Variants in ANKRD17 observed in about 807,000 individuals in gnomAD.
ANKRD17 encodes ankyrin repeat domain-containing protein 17.
Under a neutral mutation model 229.7 loss-of-function variants are expected in ANKRD17, and 19 were observed. The ratio of observed to expected loss-of-function variants is 0.08; its 90% confidence interval spans 0.06 to 0.12. The LOEUF is 0.12. Among genes scored for constraint, ANKRD17 ranks in the 10% least tolerant of loss-of-function variants. The pLI, the probability that ANKRD17 is intolerant of heterozygous loss-of-function variation, is 1.00. For synonymous variants in ANKRD17, 1,112 were observed against 1,146.1 expected (o/e 0.97, Z 0.60); for missense variants, 2,176 against 3,176.8 (o/e 0.68, Z 7.57).
chr4:73,220,752 C>G (rs1280971711), intron 1 of ANKRD17, among the ~76,000 whole-genome samples: 1 of 151,954 alleles, frequency 6.6e-6, no homozygotes, highest in Non-Finnish European at 1.5e-5. Context: ...ACATAAAATT[C>G]CGTATGTTCA....
At chr4:73,134,566 A>G (rs1037809054) in intron 16 of ANKRD17, among the ~76,000 whole-genome samples, 5 of 152,196 alleles carry the variant, frequency 3.3e-5, no homozygotes, top group Non-Finnish European at 7.3e-5. Flanking sequence ...TCTAAAGCTT[A>G]ACTTAAACAG....
At chr4:73,116,226 T>G (rs1725935953) in intron 22 of ANKRD17, among the ~76,000 whole-genome samples, 1 of 146,906 alleles carries the variant, frequency 6.8e-6, no homozygotes, top group African/African-American at 2.5e-5. Flanking sequence ...TGGTGGGGGG[T>G]GGGGATTCTT....
At chr4:73,179,474 G>GTA (rs1735176661) in intron 1 of ANKRD17, among the ~76,000 whole-genome samples, 1 of 57,912 alleles carries the variant, frequency 1.7e-5, no homozygotes, top group East Asian at 7.0e-4. Context: ...ATATGTGTGT[G>GTA]TGTGTGTGTG....
Position 73,249,649 on chromosome 4 carries a change from T to A in ANKRD17, c.393+8627A>T, listed in dbSNP as rs374679634. 2.3e-4 allele frequency among the ~76,000 whole-genome samples: 35 copies of A among 152,104 alleles called. No homozygotes were observed. The East Asian group carries it at 6.0e-3, about 26-fold the overall frequency. ...AGGGGGGCGGATCCAAGGTCAGGAG[T>A]TCGAGACCAGCCTGACTAACATGGT... On this transcript the variant is annotated intron_variant, in intron 1 of 33. Coordinates refer to ENST00000358602, the MANE Select transcript of ANKRD17 (RefSeq NM_032217.5).
chr4:73,079,019 C>A, intron 30 of ANKRD17, 129 bp from the exon 31 acceptor site: 1 of 1,152,276 alleles, frequency 8.7e-7, no homozygotes, highest in South Asian at 1.7e-5. Flanking sequence ...AAAAATAATA[C>A]TTAAAAATGA....
chr4:73,240,677 C>T (rs552603001), intron 1 of ANKRD17, among the ~76,000 whole-genome samples: 1 of 151,932 alleles, frequency 6.6e-6, no homozygotes, highest in Non-Finnish European at 1.5e-5. Context: ...AAGTGGAAAA[C>T]ATCTAAAATT....
rs146669301 is a variant in ANKRD17, at chr4:73,205,538, C to CA, written c.394-28006dup. Among the ~76,000 whole-genome samples, 581 of 152,178 alleles carry CA rather than the reference C, an allele frequency of 3.8e-3. 4 individuals are homozygous for CA. The highest frequency in any genetic ancestry group is 0.013 in the African/African-American group (552 of 41,530). On this transcript the variant is annotated intron_variant, in intron 1 of 33. Coordinates refer to ENST00000358602, the MANE Select transcript of ANKRD17 (RefSeq NM_032217.5). ...TAGTGCTGGGAGAACTAGATACTGA[C>CA]ATGCAAAAAAATGCAATTACATCCT...
chr4:73,211,545 C>T (rs1740258238), intron 1 of ANKRD17, among the ~76,000 whole-genome samples: 1 of 151,994 alleles, frequency 6.6e-6, no homozygotes, highest in Non-Finnish European at 1.5e-5. Context: ...GGAGCCACTA[C>T]CTTAAGAAAT....
intron 1 of ANKRD17, among the ~76,000 whole-genome samples, chr4:73,182,981 A>G (rs1340498998): frequency 6.6e-6 from 1 of 152,192 alleles, no homozygotes; most frequent in Non-Finnish European, 1.5e-5. Flanking sequence ...ATTAAAAACA[A>G]CAACAACAAA....
chr4:73,222,113 T>A (rs984448545), intron 1 of ANKRD17, among the ~76,000 whole-genome samples: 4 of 152,118 alleles, frequency 2.6e-5, no homozygotes, highest in African/African-American at 9.7e-5. Flanking sequence ...AGCCTCTTTA[T>A]CTGAATTACC....
chr4:73,211,425 C>A (rs1740238444), intron 1 of ANKRD17, among the ~76,000 whole-genome samples: 1 of 152,038 alleles, frequency 6.6e-6, no homozygotes, highest in African/African-American at 2.4e-5. Flanking sequence ...CCAAACTGAG[C>A]TTTAGTTTGA....
At chr4:73,087,443 T>C (rs531452547) in intron 29 of ANKRD17, among the ~76,000 whole-genome samples, 2 of 152,292 alleles carry the variant, frequency 1.3e-5, no homozygotes, top group Admixed American at 1.3e-4. Context: ...TGATGCTCCT[T>C]CCTGAAATAT....
Position 73,091,546 on chromosome 4 carries a change from T to C in ANKRD17, c.6082A>G (p.Thr2028Ala). The C allele has an allele frequency of 1.2e-6, 2 of 1,614,198 alleles. No individual in the cohort carries two copies. Among genetic ancestry groups the C allele is most frequent in the Non-Finnish European group, 1.7e-6 (2 of 1,180,038 alleles). Reference sequence around the variant, plus strand: ...TCTTTGGCAGTAGGCATAGGATATGTGGCATTTGTGGGTGCAGTGTTGTTG... The same window carrying C: ...TCTTTGGCAGTAGGCATAGGATATGCGGCATTTGTGGGTGCAGTGTTGTTG... ...SNNNTAPTNATYPMPTAKEHY... is the reference protein window; with the variant it reads ...SNNNTAPTNAAYPMPTAKEHY... Residue 2028 changes from threonine to alanine, a missense_variant, in exon 29 of 34, where the codon ACA becomes GCA. Thr to Ala is a moderately conservative substitution (Grantham distance 58, BLOSUM62 0). This residue lies in a region of ANKRD17 where 424 missense variants were observed against 454.0 expected (regional missense o/e 0.93). Coordinates refer to ENST00000358602, the MANE Select transcript of ANKRD17 (RefSeq NM_032217.5).
intron 1 of ANKRD17, among the ~76,000 whole-genome samples, chr4:73,252,298 A>G (rs1227212108): frequency 6.6e-6 from 1 of 152,254 alleles, no homozygotes; most frequent in Non-Finnish European, 1.5e-5. Context: ...TGAAGATATA[A>G]GAGAAAAGAG....
At chr4:73,206,317 C>T (rs757203458) in intron 1 of ANKRD17, among the ~76,000 whole-genome samples, 3 of 151,656 alleles carry the variant, frequency 2.0e-5, no homozygotes, top group Non-Finnish European at 4.4e-5. Flanking sequence ...TGTTCACAAC[C>T]ACCAAGATAC....
chr4:73,243,081 GA>G (rs978836720), intron 1 of ANKRD17, among the ~76,000 whole-genome samples: 4 of 152,094 alleles, frequency 2.6e-5, no homozygotes, highest in Non-Finnish European at 5.9e-5. Context: ...ACCACACTAG[GA>G]AGAAAGTAAA....
intron 1 of ANKRD17, among the ~76,000 whole-genome samples, chr4:73,205,953 CAT>C (rs1739380553): frequency 6.6e-6 from 1 of 151,982 alleles, no homozygotes; most frequent in Non-Finnish European, 1.5e-5. Context: ...CCAAAGAAAA[CAT>C]ACACATGGCC....
chr4:73,155,983 A>C (rs960260809), intron 4 of ANKRD17, 36 bp downstream of exon 4: 20 of 1,539,694 alleles, frequency 1.3e-5, no homozygotes, highest in Non-Finnish European at 1.7e-5. Flanking sequence ...AGTTTTTAAA[A>C]AAACAACAAA....
chr4:73,190,938 C>T (rs1367901529), intron 1 of ANKRD17, among the ~76,000 whole-genome samples: 1 of 152,038 alleles, frequency 6.6e-6, no homozygotes, highest in African/African-American at 2.4e-5. Context: ...GAGAGGCATA[C>T]CATGTTCCTG....
Sources: gnomAD v4.1 joint callset for allele counts (sites outside exome capture counted in the v4.1 genomes callset) on GRCh38, gnomAD v4.1.1 for gene constraint, gnomAD v4.1.1 regional missense constraint, MANE v1.5 for transcripts, NCBI Gene and HGNC (gene_info 2026-07-23, HGNC 2026-07-21) for gene names.